Variants in CNTNAP5 observed in about 807,000 individuals in gnomAD.
The protein encoded by CNTNAP5 is contactin-associated protein-like 5.
Under a neutral mutation model 150.2 loss-of-function variants are expected in CNTNAP5, and 72 were observed. That is an observed-to-expected ratio of 0.48 (90% CI 0.40 to 0.58). The LOEUF (loss-of-function observed/expected upper bound fraction) is 0.58, where lower values mean the gene tolerates loss of function less well. Among genes scored for constraint, CNTNAP5 ranks in the 20% least tolerant of loss-of-function variants. The pLI, the probability that CNTNAP5 is intolerant of heterozygous loss-of-function variation, is 0.00. For missense variants in CNTNAP5, 1,636 were observed against 1,626.2 expected (o/e 1.01, Z -0.10); for synonymous variants, 672 against 619.8 (o/e 1.08, Z -1.25).
intron 3 of CNTNAP5, among the ~76,000 whole-genome samples, chr2:124,249,277 T>C (rs963098075): frequency 6.6e-6 from 1 of 152,174 alleles, no homozygotes; most frequent in African/African-American, 2.4e-5. Flanking sequence ...TACTCTGCCG[T>C]CTCTTGTGGG....
chr2:124,491,326 G>T (rs1033370748), intron 7 of CNTNAP5, among the ~76,000 whole-genome samples: 1 of 151,948 alleles, frequency 6.6e-6, no homozygotes, highest in African/African-American at 2.4e-5. Flanking sequence ...ATTTAACTCA[G>T]CATAATGACC....
At chr2:124,717,411 A>G (rs1243675250) in intron 13 of CNTNAP5, among the ~76,000 whole-genome samples, 1 of 152,254 alleles carries the variant, frequency 6.6e-6, no homozygotes, top group Non-Finnish European at 1.5e-5. Context: ...TAGTGCATAT[A>G]ACCATAGCAC....
At chr2:124,363,893 T>G (rs1252952406) in intron 3 of CNTNAP5, among the ~76,000 whole-genome samples, 1 of 152,200 alleles carries the variant, frequency 6.6e-6, no homozygotes, top group Non-Finnish European at 1.5e-5. Flanking sequence ...ATATACAGAA[T>G]CCCATTAATT....
chr2:124,858,319 C>T (rs950066286), intron 19 of CNTNAP5, among the ~76,000 whole-genome samples: 7 of 152,144 alleles, frequency 4.6e-5, no homozygotes, highest in African/African-American at 1.4e-4. Context: ...TCATCTCAGC[C>T]CAAAATCTCC....
chr2:124,724,622 C>T (rs978990973), intron 13 of CNTNAP5, among the ~76,000 whole-genome samples: 2 of 152,056 alleles, frequency 1.3e-5, no homozygotes, highest in African/African-American at 4.8e-5. Flanking sequence ...CTCCCTGGCC[C>T]TGCTTGAATA....
At chr2:124,806,375 A>G (rs2104651288) in intron 19 of CNTNAP5, among the ~76,000 whole-genome samples, 1 of 152,324 alleles carries the variant, frequency 6.6e-6, no homozygotes, top group Middle Eastern at 3.4e-3. Flanking sequence ...GTCTTCTAGT[A>G]TAAATAGGCA....
At chr2:124,759,191 G>T (rs953474344) in intron 14 of CNTNAP5, among the ~76,000 whole-genome samples, 2 of 151,672 alleles carry the variant, frequency 1.3e-5, no homozygotes, top group Non-Finnish European at 2.9e-5. Flanking sequence ...TCCAGAGAGA[G>T]ATATATATTT....
intron 13 of CNTNAP5, among the ~76,000 whole-genome samples, chr2:124,685,070 C>A (rs1051387071): frequency 1.3e-5 from 2 of 152,118 alleles, no homozygotes; most frequent in African/African-American, 4.8e-5. Context: ...CTTCAAAGTA[C>A]TTTTCTAGAT....
At chr2:124,732,783 A>T (rs1434512804) in intron 13 of CNTNAP5, among the ~76,000 whole-genome samples, 1 of 152,196 alleles carries the variant, frequency 6.6e-6, no homozygotes, top group Admixed American at 6.5e-5. Context: ...GTAAATGTGT[A>T]TTAATTAGTT....
At chr2:124,639,488 C>T (rs1284268901) in intron 12 of CNTNAP5, among the ~76,000 whole-genome samples, 1 of 152,082 alleles carries the variant, frequency 6.6e-6, no homozygotes, top group African/African-American at 2.4e-5. Context: ...TGACCCGGTA[C>T]AAGGAGATAT....
intron 13 of CNTNAP5, among the ~76,000 whole-genome samples, chr2:124,731,752 G>C (rs1231342668): frequency 6.6e-6 from 1 of 151,832 alleles, no homozygotes; most frequent in Non-Finnish European, 1.5e-5. Flanking sequence ...GTGTGTATGT[G>C]TATATGAGTG....
At chr2:124,212,921 C>T (rs1573840024) in intron 1 of CNTNAP5, among the ~76,000 whole-genome samples, 1 of 141,230 alleles carries the variant, frequency 7.1e-6, no homozygotes, top group Non-Finnish European at 1.5e-5. Context: ...TCACTGAAAG[C>T]TCCGCCTGCC....
chr2:124,372,604 C>T (rs1690554622), intron 3 of CNTNAP5, among the ~76,000 whole-genome samples: 1 of 152,066 alleles, frequency 6.6e-6, no homozygotes, highest in South Asian at 2.1e-4. Context: ...TAGGATGAAG[C>T]TGGACCTATG....
At chr2:124,163,940 ACT>A (rs1005360934) in intron 1 of CNTNAP5, among the ~76,000 whole-genome samples, 5 of 151,762 alleles carry the variant, frequency 3.3e-5, no homozygotes, top group Admixed American at 3.3e-4. Flanking sequence ...AAGGTCTATG[ACT>A]CTGTTCTTCA....
At chr2:124,733,163 C>T (rs889384779) in intron 13 of CNTNAP5, among the ~76,000 whole-genome samples, 4 of 152,190 alleles carry the variant, frequency 2.6e-5, no homozygotes, top group East Asian at 1.9e-4. Context: ...CACACACACA[C>T]ATAGCACAGT....
intron 12 of CNTNAP5, among the ~76,000 whole-genome samples, chr2:124,615,184 A>C (rs1677469451): frequency 1.3e-5 from 2 of 152,188 alleles, no homozygotes. Context: ...TTCTTAAAAT[A>C]AGACTACAAT....
At chr2:124,571,833 G>C (rs1183446692) in intron 11 of CNTNAP5, among the ~76,000 whole-genome samples, 1 of 151,706 alleles carries the variant, frequency 6.6e-6, no homozygotes, top group Non-Finnish European at 1.5e-5. Flanking sequence ...TCATCATAAT[G>C]ATTGGTAATT....
intron 19 of CNTNAP5, among the ~76,000 whole-genome samples, chr2:124,813,772 G>A (rs1339107552): frequency 6.6e-6 from 1 of 151,814 alleles, no homozygotes; most frequent in Non-Finnish European, 1.5e-5. Context: ...CCCCTCTGGA[G>A]TCCATCAAAC....
At chr2:124,711,331 C>G (rs1355874956) in intron 13 of CNTNAP5, among the ~76,000 whole-genome samples, 3 of 151,940 alleles carry the variant, frequency 2.0e-5, no homozygotes, top group Non-Finnish European at 4.4e-5. Flanking sequence ...TAAAACTCAT[C>G]AGAGGGAATG....
Sources: allele counts gnomAD v4.1 joint callset (sites outside exome capture counted in the v4.1 genomes callset), GRCh38; gene constraint gnomAD v4.1.1; transcripts MANE v1.5; gene names NCBI Gene and HGNC (gene_info 2026-07-23, HGNC 2026-07-21).